Variants in RNF150 observed in about 807,000 individuals in gnomAD.
RNF150 encodes the protein ring finger protein 150.
Under a neutral mutation model 39.3 loss-of-function variants are expected in RNF150, and 24 were observed. The observed-to-expected ratio is 0.61, with a 90% confidence interval of 0.44 to 0.86. RNF150 has a LOEUF of 0.86. Among genes scored for constraint, RNF150 ranks in the 40% least tolerant of loss-of-function variants. The pLI is 0.00. For missense variants in RNF150, 502 were observed against 587.8 expected (o/e 0.85, Z 1.51); for synonymous variants, 255 against 227.3 (o/e 1.12, Z -1.10).
At chr4:140,974,545 A>G (rs1465854742) in intron 1 of RNF150, among the ~76,000 whole-genome samples, 3 of 152,192 alleles carry the variant, frequency 2.0e-5, no homozygotes, top group African/African-American at 7.2e-5. Context: ...CTTGTACGGT[A>G]GTTGAACATT....
intron 1 of RNF150, among the ~76,000 whole-genome samples, chr4:141,141,663 G>A (rs960401084): frequency 9.2e-5 from 14 of 152,248 alleles, no homozygotes; most frequent in Middle Eastern, 3.4e-3. Context: ...TTATCTGGGC[G>A]TGGTGGCACA....
chr4:141,076,313 T>C (rs1010108098), intron 1 of RNF150, among the ~76,000 whole-genome samples: 1 of 152,192 alleles, frequency 6.6e-6, no homozygotes. Context: ...TAAATTAAAT[T>C]GCTTTTTAAA....
At chr4:141,050,680 C>T (rs1316929269) in intron 1 of RNF150, among the ~76,000 whole-genome samples, 1 of 152,192 alleles carries the variant, frequency 6.6e-6, no homozygotes. Flanking sequence ...CATACTGATG[C>T]AAGAGGTGGG....
intron 5 of RNF150, among the ~76,000 whole-genome samples, chr4:140,916,290 A>G (rs545517103): frequency 6.6e-6 from 1 of 152,278 alleles, no homozygotes; most frequent in South Asian, 2.1e-4. Context: ...GAAGTTAAAA[A>G]CTTTGAAAAA....
intron 1 of RNF150, among the ~76,000 whole-genome samples, chr4:141,076,586 C>G (rs1307258768): frequency 6.6e-6 from 1 of 151,516 alleles, no homozygotes; most frequent in Non-Finnish European, 1.5e-5. Flanking sequence ...ACATACTTAC[C>G]TGTTAAATTT....
In RNF150 at chr4:140,884,460, G is replaced by A. The variant is rs555985888; in HGVS notation, c.1199-16081C>T. Among the ~76,000 whole-genome samples, 16 of 152,274 alleles carry A rather than the reference G, an allele frequency of 1.1e-4. 1 individual carries two copies. The South Asian group carries it at 3.3e-3, about 32-fold the overall frequency. The stretch of plus-strand genomic sequence containing the variant: ...ACAGGTACAGGTAGTTCGCCAACCA[G>A]CCCAGCTAGAGATTCTGGAGATCTC... On this transcript the variant is annotated intron_variant, in intron 6 of 6. Transcript: ENST00000515673.
At chr4:141,121,701 C>G (rs1400076631) in intron 1 of RNF150, among the ~76,000 whole-genome samples, 2 of 152,062 alleles carry the variant, frequency 1.3e-5, no homozygotes, top group Non-Finnish European at 2.9e-5. Context: ...ATCACTAATT[C>G]ATGATTTAAG....
chr4:141,053,526 G>A, intron 1 of RNF150: 1 of 431,524 alleles, frequency 2.3e-6, no homozygotes, highest in Non-Finnish European at 4.0e-6. Flanking sequence ...CAAGCATTTA[G>A]GCAGGGCTCA....
At chr4:140,997,132 T>C (rs979563314) in intron 1 of RNF150, 1 of 152,176 alleles carries the variant, frequency 6.6e-6, no homozygotes, top group African/African-American at 2.4e-5. Flanking sequence ...AGACTACAGA[T>C]GGAAGTGAGT....
At chr4:141,039,871 T>G (rs1298531058) in intron 1 of RNF150, among the ~76,000 whole-genome samples, 1 of 152,052 alleles carries the variant, frequency 6.6e-6, no homozygotes, top group Non-Finnish European at 1.5e-5. Context: ...GGGGTGGAGA[T>G]TTAAAATGCT....
chr4:140,994,471 A>G (rs1429242180), intron 1 of RNF150, among the ~76,000 whole-genome samples: 1 of 150,888 alleles, frequency 6.6e-6, no homozygotes, highest in Non-Finnish European at 1.5e-5. Flanking sequence ...GTGTGCACGC[A>G]CACACACACA....
At chr4:141,046,783 T>C (rs1322464826) in intron 1 of RNF150, among the ~76,000 whole-genome samples, 1 of 152,150 alleles carries the variant, frequency 6.6e-6, no homozygotes, top group Non-Finnish European at 1.5e-5. Flanking sequence ...CTCACAATTA[T>C]TGGGCCTAGG....
chr4:141,037,317 A>G (rs1736183785), intron 1 of RNF150, among the ~76,000 whole-genome samples: 1 of 152,182 alleles, frequency 6.6e-6, no homozygotes. Context: ...CCTTAAGTCA[A>G]TACTTCGTAA....
rs143389835 is a variant in RNF150, at chr4:141,143,106, G to A, written c.-6+69688C>T. The stretch of plus-strand genomic sequence containing the variant: ...GCTGGTCGCAAACTCCTGAGCTCAG[G>A]CTATCCTCCCTCCTTGGCCTCCCAA... On this transcript the variant is annotated intron_variant, in intron 1 of 7. Transcript: ENST00000420921. Among the ~76,000 whole-genome samples the A allele has an allele frequency of 3.0e-3, 460 of 152,228 alleles. 2 individuals are homozygous for A. Among genetic ancestry groups the A allele is most frequent in the Non-Finnish European group, 4.8e-3 (329 of 68,016 alleles).
intron 1 of RNF150, among the ~76,000 whole-genome samples, chr4:140,997,825 G>T (rs73858681): frequency 0.078 from 11,524 of 148,622 alleles, 497 homozygotes; most frequent in Middle Eastern, 0.17. Flanking sequence ...TATGTAAAAA[G>T]AAAATAAAAG....
At chr4:140,910,763 G>A (rs535229612) in intron 6 of RNF150, among the ~76,000 whole-genome samples, 3 of 152,296 alleles carry the variant, frequency 2.0e-5, no homozygotes, top group South Asian at 2.1e-4. Context: ...GTGTGGTTGT[G>A]CCCTATCCCA....
chr4:141,083,058 T>C (rs1168784099), intron 1 of RNF150, among the ~76,000 whole-genome samples: 2 of 152,194 alleles, frequency 1.3e-5, no homozygotes, highest in Non-Finnish European at 2.9e-5. Flanking sequence ...TGTTTAATTA[T>C]ATTATCCAAA....
intron 1 of RNF150, among the ~76,000 whole-genome samples, chr4:141,151,443 CACACACACACACACACACAG>C (rs200636921): frequency 0.44 from 48,627 of 111,028 alleles, 8,596 homozygotes; most frequent in East Asian, 0.63. Flanking sequence ...CACACACACA[CACACACACACACACACACAG>C]ACACACACAC....
At chr4:140,870,734 A>C (rs972270759) in intron 6 of RNF150, among the ~76,000 whole-genome samples, 3 of 152,156 alleles carry the variant, frequency 2.0e-5, no homozygotes, top group African/African-American at 7.2e-5. Context: ...ACACAGCCAG[A>C]TGCAGGGGCT....
Sources: allele counts gnomAD v4.1 joint callset (sites outside exome capture counted in the v4.1 genomes callset), GRCh38; gene constraint gnomAD v4.1.1; transcripts MANE v1.5; gene names NCBI Gene and HGNC (gene_info 2026-07-23, HGNC 2026-07-21).